PTPRT: variants seen among roughly 807,000 people sequenced by gnomAD.
PTPRT encodes the protein receptor-type tyrosine-protein phosphatase T.
A neutral mutation model predicts 176.8 loss-of-function variants in PTPRT; 56 were observed. The ratio of observed to expected loss-of-function variants is 0.32; its 90% CI spans 0.26 to 0.40. The LOEUF (loss-of-function observed/expected upper bound fraction) is 0.40, where lower values mean the gene tolerates loss of function less well. PTPRT is among the 10% of genes least tolerant of loss of function. The pLI, the probability that PTPRT is intolerant of heterozygous loss-of-function variation, is 1.00. For synonymous variants in PTPRT, 783 were observed against 739.0 expected, an observed-to-expected ratio of 1.06 and a Z score of -0.96; for missense variants, 1,540 against 1,908.2, an observed-to-expected ratio of 0.81 and a Z score of 3.60.
chr20:42,938,836 C>T (rs1448217373), intron 1 of PTPRT, among the ~76,000 whole-genome samples: 1 of 152,096 alleles, frequency 6.6e-6, no homozygotes, highest in Non-Finnish European at 1.5e-5. Flanking sequence ...TTCATTCTTC[C>T]TATGGCATTA....
chr20:42,211,125 C>T (rs1424218643), intron 15 of PTPRT, among the ~76,000 whole-genome samples: 1 of 152,170 alleles, frequency 6.6e-6, no homozygotes, highest in Non-Finnish European at 1.5e-5. Context: ...CCCTTCCTTA[C>T]ACCTTATACA....
At chr20:43,010,022 A>G (rs1985040365) in intron 1 of PTPRT, among the ~76,000 whole-genome samples, 1 of 152,110 alleles carries the variant, frequency 6.6e-6, no homozygotes, top group Non-Finnish European at 1.5e-5. Context: ...TTAGTCTTCC[A>G]GTCACCCAAG....
intron 7 of PTPRT, among the ~76,000 whole-genome samples, chr20:42,474,773 C>T (rs2071259947): frequency 6.6e-6 from 1 of 152,168 alleles, no homozygotes; most frequent in Non-Finnish European, 1.5e-5. Context: ...CCTGGGAAGC[C>T]CCGAGCATCC....
intron 15 of PTPRT, among the ~76,000 whole-genome samples, chr20:42,225,625 G>A (rs1005338722): frequency 1.3e-5 from 2 of 152,118 alleles, no homozygotes; most frequent in Non-Finnish European, 2.9e-5. Context: ...TTATGAGGCC[G>A]AGGAGAAAAG....
chr20:42,589,683 C>A (rs540341490), intron 7 of PTPRT, among the ~76,000 whole-genome samples: 11 of 152,230 alleles, frequency 7.2e-5, no homozygotes, highest in Admixed American at 1.3e-4. Context: ...TTCCTAGGAG[C>A]CTTGCAACTC....
At chr20:42,265,285 C>A (rs1358561857) in intron 13 of PTPRT, among the ~76,000 whole-genome samples, 1 of 152,036 alleles carries the variant, frequency 6.6e-6, no homozygotes, top group East Asian at 1.9e-4. Context: ...TACAGACTGT[C>A]TTGAGAGACC....
At chr20:43,019,617 CAA>C (rs539102745) in intron 1 of PTPRT, among the ~76,000 whole-genome samples, 36 of 56,088 alleles carry the variant, frequency 6.4e-4, no homozygotes, top group African/African-American at 8.9e-4. Flanking sequence ...GACACCGTCT[CAA>C]AAAAAAAAAA....
At chr20:42,806,002 GAT>G (rs1491213516) in intron 2 of PTPRT, among the ~76,000 whole-genome samples, 3 of 138,934 alleles carry the variant, frequency 2.2e-5, no homozygotes, top group African/African-American at 8.6e-5. Flanking sequence ...ATATAGGGAA[GAT>G]TTTTTTTTTT....
intron 14 of PTPRT, among the ~76,000 whole-genome samples, chr20:42,239,298 C>T (rs1451443045): frequency 1.3e-5 from 2 of 152,116 alleles, no homozygotes; most frequent in East Asian, 1.9e-4. Flanking sequence ...GAATTAGTGC[C>T]ATTCCCACTA....
At chr20:42,447,011 G>T (rs905486508) in intron 9 of PTPRT, among the ~76,000 whole-genome samples, 2 of 152,148 alleles carry the variant, frequency 1.3e-5, no homozygotes, top group African/African-American at 4.8e-5. Context: ...CTCCCTCAGA[G>T]AGTTCTCAGG....
intron 1 of PTPRT, among the ~76,000 whole-genome samples, chr20:43,142,303 T>C (rs193040005): frequency 1.3e-5 from 2 of 152,294 alleles, no homozygotes; most frequent in East Asian, 3.9e-4. Flanking sequence ...CACACAGAAG[T>C]GGGAGACAGA....
chr20:42,159,194 TC>T (rs1018745898), intron 17 of PTPRT, among the ~76,000 whole-genome samples: 6 of 149,814 alleles, frequency 4.0e-5, no homozygotes, highest in African/African-American at 1.5e-4. Flanking sequence ...ATATACCATT[TC>T]CTTTCTTTCT....
rs556226729 is a variant in PTPRT, at chr20:42,169,283, A to G, written c.2492-7741T>C. Among the ~76,000 whole-genome samples the G allele has an allele frequency of 7.2e-5, 11 of 152,264 alleles. No homozygotes were observed. The South Asian group carries it at 2.3e-3, about 32-fold the overall frequency. On this transcript the variant is annotated intron_variant, in intron 16 of 30. Transcript: ENST00000373187. ...GTTAGGAAGCAATTGTGATGGGAAC[A>G]GTCATGGGAAAATGCTTCTAGGATT...
intron 6 of PTPRT, among the ~76,000 whole-genome samples, chr20:42,696,550 G>A (rs1225356168): frequency 6.6e-6 from 1 of 151,438 alleles, no homozygotes; most frequent in Non-Finnish European, 1.5e-5. Flanking sequence ...CTTCCCCCCG[G>A]GTTCACACCA....
At chr20:42,608,062 C>T (rs1037125064) in intron 7 of PTPRT, among the ~76,000 whole-genome samples, 3 of 152,156 alleles carry the variant, frequency 2.0e-5, no homozygotes, top group Non-Finnish European at 2.9e-5. Context: ...GATGATGAAA[C>T]TGAGACTCAG....
At chr20:42,999,607 GTTTT>G (rs758925660) in intron 1 of PTPRT, among the ~76,000 whole-genome samples, 1 of 139,386 alleles carries the variant, frequency 7.2e-6, no homozygotes, top group Admixed American at 7.1e-5. Context: ...AAAACTTGTG[GTTTT>G]TTTTTTGTTG....
intron 1 of PTPRT, among the ~76,000 whole-genome samples, chr20:43,136,173 G>A (rs1397861701): frequency 6.6e-6 from 1 of 152,190 alleles, no homozygotes; most frequent in African/African-American, 2.4e-5. Flanking sequence ...GTAATTAATG[G>A]CGAGCCAGAA....
chr20:42,136,610 C>T (rs1467965651), intron 18 of PTPRT, among the ~76,000 whole-genome samples: 1 of 152,074 alleles, frequency 6.6e-6, no homozygotes, highest in Non-Finnish European at 1.5e-5. Context: ...CTGAAGGGGA[C>T]TGGAGTTGAG....
intron 1 of PTPRT, among the ~76,000 whole-genome samples, chr20:43,159,147 G>A (rs1019759180): frequency 6.6e-6 from 1 of 152,156 alleles, no homozygotes; most frequent in Non-Finnish European, 1.5e-5. Context: ...AAATAGAGCT[G>A]AACTCCACCA....
Sources: gnomAD v4.1 joint callset for allele counts (sites outside exome capture counted in the v4.1 genomes callset) on GRCh38, gnomAD v4.1.1 for gene constraint, MANE v1.5 for transcripts, NCBI Gene and HGNC (gene_info 2026-07-23, HGNC 2026-07-21) for gene names.